Variants in GRM8 observed in about 807,000 individuals in gnomAD.
The protein encoded by GRM8 is glutamate metabotropic receptor 8.
A neutral mutation model predicts 87.2 loss-of-function variants in GRM8; 47 were observed. That is an observed-to-expected ratio of 0.54 (90% confidence interval 0.43 to 0.69). The LOEUF (loss-of-function observed/expected upper bound fraction) is 0.69. Ranked by LOEUF, GRM8 falls within the 30% of genes least tolerant of loss-of-function variation. The pLI is 0.00. For synonymous variants in GRM8, 396 were observed against 404.5 expected, an observed-to-expected ratio of 0.98 and a Z score of 0.25; for missense variants, 1,019 against 1,139.2, an observed-to-expected ratio of 0.89 and a Z score of 1.52.
chr7:126,688,739 G>GACACACACACACACACACACAC lies in GRM8; in HGVS notation c.1358-79263_1358-79242dup, dbSNP rs3831573. Among the ~76,000 whole-genome samples, 838 of 145,782 alleles carry GACACACACACACACACACACAC rather than the reference G, an allele frequency of 5.7e-3. 8 individuals carry two copies. Among genetic ancestry groups the GACACACACACACACACACACAC allele is most frequent in the African/African-American group, 0.02 (788 of 39,182 alleles). ...CCCTATTTTCTCTCTCTCTCTTTCTGACACACACACACACACACACACACA... is the reference window on the plus strand; with the variant it reads ...CCCTATTTTCTCTCTCTCTCTTTCTGACACACACACACACACACACACACACACACACACACACACACACACA... On this transcript the variant is annotated intron_variant, in intron 7 of 10. Transcript: ENST00000339582.
chr7:126,664,714 GA>G (rs928109048), intron 7 of GRM8, among the ~76,000 whole-genome samples: 6 of 151,426 alleles, frequency 4.0e-5, no homozygotes, highest in Admixed American at 1.3e-4. Context: ...TTGGCCTTGG[GA>G]AAAAAAATAT....
intron 9 of GRM8, among the ~76,000 whole-genome samples, chr7:126,470,558 T>C (rs1805065376): frequency 6.6e-6 from 1 of 152,122 alleles, no homozygotes; most frequent in Non-Finnish European, 1.5e-5. Flanking sequence ...CCATGGTGTA[T>C]ATATGCCACA....
intron 9 of GRM8, among the ~76,000 whole-genome samples, chr7:126,474,917 T>C (rs1019306822): frequency 1.3e-5 from 2 of 152,150 alleles, no homozygotes; most frequent in African/African-American, 4.8e-5. Context: ...GAAAAGACAT[T>C]TGACAAAATT....
At chr7:127,136,842 C>T (rs1827969193) in intron 2 of GRM8, among the ~76,000 whole-genome samples, 1 of 151,784 alleles carries the variant, frequency 6.6e-6, no homozygotes, top group African/African-American at 2.4e-5. Flanking sequence ...CTCCAGATTG[C>T]TAAGAGCTCA....
intron 7 of GRM8, among the ~76,000 whole-genome samples, chr7:126,730,498 T>G (rs1813470154): frequency 6.6e-6 from 1 of 152,136 alleles, no homozygotes; most frequent in Non-Finnish European, 1.5e-5. Flanking sequence ...TGGGGTAGAC[T>G]GTGGGGGGAC....
At chr7:127,220,118 A>G (rs1796825847) in intron 2 of GRM8, among the ~76,000 whole-genome samples, 1 of 152,204 alleles carries the variant, frequency 6.6e-6, no homozygotes. Flanking sequence ...ACCCTATCCT[A>G]GAGAAGGAAA....
intron 7 of GRM8, among the ~76,000 whole-genome samples, chr7:126,743,292 T>C (rs564761758): frequency 1.3e-5 from 2 of 152,252 alleles, no homozygotes; most frequent in South Asian, 4.1e-4. Context: ...TAATGTGCTA[T>C]AATGCAGATC....
chr7:127,136,621 CT>C (rs1386163788), intron 2 of GRM8, among the ~76,000 whole-genome samples: 2 of 151,958 alleles, frequency 1.3e-5, no homozygotes, highest in African/African-American at 4.8e-5. Flanking sequence ...CAGCTACAAA[CT>C]TACCCAGCAC....
intron 8 of GRM8, among the ~76,000 whole-genome samples, chr7:126,601,579 C>T (rs1797774561): frequency 6.7e-6 from 1 of 149,450 alleles, no homozygotes; most frequent in Non-Finnish European, 1.5e-5. Flanking sequence ...TTCTCCACAT[C>T]CTCTCCAGCA....
chr7:126,557,297 G>T (rs1793252104), intron 8 of GRM8, among the ~76,000 whole-genome samples: 1 of 152,180 alleles, frequency 6.6e-6, no homozygotes, highest in Non-Finnish European at 1.5e-5. Context: ...ATTACCATAA[G>T]GATAGCAAAT....
intron 2 of GRM8, 39 bp from the exon 3 acceptor site, chr7:127,106,751 A>G: frequency 7.4e-7 from 1 of 1,356,506 alleles, no homozygotes; most frequent in African/African-American, 1.4e-5. Context: ...CCCATGACGA[A>G]TCTTGAAGAA....
chr7:126,941,386 T>A, intron 3 of GRM8, among the ~76,000 whole-genome samples: 1 of 149,052 alleles, frequency 6.7e-6, no homozygotes, highest in African/African-American at 2.5e-5. Context: ...AGCGGGTGGA[T>A]CATGAGGTCA....
At chr7:126,641,243 T>C (rs2151202979) in intron 7 of GRM8, among the ~76,000 whole-genome samples, 1 of 152,300 alleles carries the variant, frequency 6.6e-6, no homozygotes, top group East Asian at 1.9e-4. Context: ...GACTATTCAA[T>C]AAAATCTTTT....
At chr7:126,805,802 C>A (rs1792619051) in intron 6 of GRM8, among the ~76,000 whole-genome samples, 1 of 152,120 alleles carries the variant, frequency 6.6e-6, no homozygotes. Flanking sequence ...TGTCTGAAAG[C>A]GTTTATCATT....
At chr7:126,455,284 A>T (rs1803100488) in intron 9 of GRM8, among the ~76,000 whole-genome samples, 1 of 146,872 alleles carries the variant, frequency 6.8e-6, no homozygotes, top group Non-Finnish European at 1.5e-5. Flanking sequence ...GTGTAGATTC[A>T]AACTGAGGTT....
intron 6 of GRM8, among the ~76,000 whole-genome samples, chr7:126,835,389 A>T (rs1025088593): frequency 6.6e-6 from 1 of 152,206 alleles, no homozygotes; most frequent in Admixed American, 6.5e-5. Context: ...CTTGATACCA[A>T]CTGAAATTGC....
chr7:126,764,220 A>G (rs2151587152), intron 7 of GRM8, among the ~76,000 whole-genome samples: 1 of 152,114 alleles, frequency 6.6e-6, no homozygotes, highest in African/African-American at 2.4e-5. Flanking sequence ...TATTAATAAT[A>G]GTGGCAATAG....
intron 6 of GRM8, among the ~76,000 whole-genome samples, chr7:126,791,224 A>G (rs1821271945): frequency 6.6e-6 from 1 of 152,130 alleles, no homozygotes; most frequent in African/African-American, 2.4e-5. Flanking sequence ...ACATTACTAC[A>G]TTTTTTTAAA....
intron 7 of GRM8, among the ~76,000 whole-genome samples, chr7:126,633,689 C>T (rs1357907298): frequency 6.6e-6 from 1 of 151,726 alleles, no homozygotes; most frequent in East Asian, 1.9e-4. Context: ...AAATCCATGT[C>T]CAAAAATACA....
Sources: gnomAD v4.1 joint callset for allele counts (sites outside exome capture counted in the v4.1 genomes callset) on GRCh38, gnomAD v4.1.1 for gene constraint, MANE v1.5 for transcripts, NCBI Gene and HGNC (gene_info 2026-07-23, HGNC 2026-07-21) for gene names.